Variants in SNAP29 observed in about 807,000 individuals in gnomAD.
SNAP29 encodes synaptosomal-associated protein 29.
In SNAP29, 13 loss-of-function variants were observed where a neutral mutation model predicts 27.9. The observed-to-expected ratio is 0.47, with a 90% confidence interval of 0.30 to 0.74. The LOEUF is 0.74. Ranked by LOEUF, SNAP29 falls within the 30% of genes least tolerant of loss-of-function variation. The probability of loss-of-function intolerance (pLI) is 0.06; values close to 1 mark genes in which losing one functional copy is unlikely to be tolerated. For synonymous variants in SNAP29, 119 were observed against 127.1 expected (o/e 0.94, Z 0.43); for missense variants, 368 against 336.5 (o/e 1.09, Z -0.73).
rs1929081780 is a variant in SNAP29, at chr22:20,888,614, C to G, written c.*778C>G. On this transcript the variant is annotated 3_prime_UTR_variant, in exon 5 of 5. Transcript: ENST00000215730. ...GTAACTCTCCATCTGTGATTTGCAA[C>G]AGGTCTTCCACTGGCTCGAGGCTGC... The G allele has an allele frequency of 6.5e-6, 1 of 153,150 alleles. No individual in the cohort carries two copies. Among genetic ancestry groups the G allele is most frequent in the Admixed American group, 6.5e-5 (1 of 15,396 alleles). 9.5% of individuals were successfully genotyped at this position (153,150 alleles called of 1,614,324 possible).
chr22:20,871,241 T>A (rs1354968532), intron 2 of SNAP29, among the ~76,000 whole-genome samples: 1 of 151,312 alleles, frequency 6.6e-6, no homozygotes, highest in African/African-American at 2.4e-5. Context: ...TAAAATCCCA[T>A]GCTTTCAGAG....
In SNAP29 at chr22:20,859,547, C is replaced by T. The variant is rs1928178342; in HGVS notation, c.237+200C>T. The T allele has an allele frequency of 5.0e-6, 3 of 597,406 alleles. No individual in the cohort carries two copies. The Admixed American group carries it at 9.3e-5, about 18-fold the overall frequency. 37.0% of individuals were successfully genotyped at this position (597,406 alleles called of 1,614,324 possible). On this transcript the variant is annotated intron_variant, in intron 1 of 4. Transcript: ENST00000215730. ...TGGAGTACTTGAAGAGGGCAGTTTA[C>T]CCCAGAAATCTTCCTTAGCTATTAG...
intron 2 of SNAP29, among the ~76,000 whole-genome samples, chr22:20,875,086 G>C (rs1928707906): frequency 6.6e-6 from 1 of 152,098 alleles, no homozygotes; most frequent in Non-Finnish European, 1.5e-5. Context: ...AAGTCCTGTG[G>C]CTCCAGGGGC....
intron 3 of SNAP29, 42 bp downstream of exon 3, chr22:20,881,176 G>A (rs1928883112): frequency 7.3e-7 from 1 of 1,377,192 alleles, no homozygotes; most frequent in South Asian, 1.2e-5. Flanking sequence ...TGAATTCTGG[G>A]GGGAGACCTC....
rs533341797 is a variant in SNAP29, at chr22:20,877,517, T to C, written c.435-3532T>C. On this transcript the variant is annotated intron_variant, in intron 2 of 4. Coordinates refer to ENST00000215730, the MANE Select transcript of SNAP29 (RefSeq NM_004782.4). ...GTTGCAGTAAGCCAAGATCGCACCATTGTACCCCAGCCTGGGCAACAAGAG... is the reference window on the plus strand; with the variant it reads ...GTTGCAGTAAGCCAAGATCGCACCACTGTACCCCAGCCTGGGCAACAAGAG... Among the ~76,000 whole-genome samples the C allele has an allele frequency of 1.5e-4, 23 of 151,892 alleles. No homozygotes were observed. The South Asian group carries it at 4.8e-3, about 32-fold the overall frequency.
In SNAP29 at chr22:20,887,565, G is replaced by GC. The variant is rs764783094; in HGVS notation, c.620-114_620-113insC. On this transcript the variant is annotated intron_variant, in intron 4 of 4. Transcript: ENST00000215730. ...AAGACTCATCTCTGCAGTGGGTGCA[G>GC]TCCCCCCAGGCAACACAGATCCCTG... 2,881 of 1,097,454 alleles carry GC rather than the reference G, an allele frequency of 2.6e-3. 8 individuals are homozygous for GC. The highest frequency in any genetic ancestry group is 3.5e-3 in the Non-Finnish European group (2,467 of 712,854). 68.0% of individuals were successfully genotyped at this position (1,097,454 alleles called of 1,614,324 possible).
intron 3 of SNAP29, 131 bp downstream of exon 3, chr22:20,881,265 C>G: frequency 1.4e-6 from 1 of 712,106 alleles, no homozygotes; most frequent in East Asian, 2.7e-5. Context: ...CTGGCATCAC[C>G]CATGCTAGCC....
chr22:20,861,043 T>G (rs2147858659), intron 1 of SNAP29, among the ~76,000 whole-genome samples: 1 of 152,068 alleles, frequency 6.6e-6, no homozygotes, highest in East Asian at 1.9e-4. Context: ...TCATTTCCCC[T>G]TGCTGTTTTC....
At chr22:20,865,304 G>A (rs1928431438) in intron 1 of SNAP29, among the ~76,000 whole-genome samples, 1 of 152,024 alleles carries the variant, frequency 6.6e-6, no homozygotes, top group African/African-American at 2.4e-5. Context: ...GCAGTGAGCT[G>A]AGGTCATGCC....
At position 20,865,987 on chromosome 22, in the gene SNAP29, C is replaced by CAT. The variant is rs532393527; in HGVS notation, c.238-4345_238-4344dup. Reference sequence around the variant, plus strand: ...ATAACGTGTAGCCCAAGGCCACCATCATATATCACATTGTTAGCATAGTCT... The same window carrying CAT: ...ATAACGTGTAGCCCAAGGCCACCATCATATATATCACATTGTTAGCATAGTCT... On this transcript the variant is annotated intron_variant, in intron 1 of 4. Coordinates refer to ENST00000215730, the MANE Select transcript of SNAP29 (RefSeq NM_004782.4). Among the ~76,000 whole-genome samples the CAT allele has an allele frequency of 3.1e-4, 47 of 152,322 alleles. 1 individual carries two copies. Among genetic ancestry groups the CAT allele is most frequent in the Non-Finnish European group, 4.7e-4 (32 of 68,022 alleles).
At chr22:20,868,734 A>T (rs777299140) in intron 1 of SNAP29, among the ~76,000 whole-genome samples, 6 of 152,186 alleles carry the variant, frequency 3.9e-5, no homozygotes, top group Non-Finnish European at 5.9e-5. Flanking sequence ...GAAGCTCGAG[A>T]GCCTTCTGGC....
rs1006598562 is a variant in SNAP29, at chr22:20,890,026, T to G, written c.*2190T>G. On this transcript the variant is annotated 3_prime_UTR_variant, in exon 5 of 5. Coordinates refer to ENST00000215730, the MANE Select transcript of SNAP29 (RefSeq NM_004782.4). ...GGAAATTTGTCTTCGTCTGACATATTAGAGGGCCTCGTTTTGTCCTGTTCT... is the reference window on the plus strand; with the variant it reads ...GGAAATTTGTCTTCGTCTGACATATGAGAGGGCCTCGTTTTGTCCTGTTCT... The G allele has an allele frequency of 2.7e-6, 1 of 376,418 alleles. No homozygotes were observed. The highest frequency in any genetic ancestry group is 4.7e-6 in the Non-Finnish European group (1 of 212,874). The allele number at this position is 376,418 out of a possible 1,614,324, so 23.3% of individuals were successfully genotyped here. A position where few individuals can be genotyped will look rare whatever the true frequency, so the allele number is the denominator to read the frequency against.
chr22:20,864,804 A>G (rs1928419223), intron 1 of SNAP29, among the ~76,000 whole-genome samples: 1 of 152,126 alleles, frequency 6.6e-6, no homozygotes, highest in African/African-American at 2.4e-5. Context: ...TGACCTGGGG[A>G]AGGAAAGGAA....
At chr22:20,871,904 T>C (rs988327309) in intron 2 of SNAP29, among the ~76,000 whole-genome samples, 1 of 151,734 alleles carries the variant, frequency 6.6e-6, no homozygotes, top group Non-Finnish European at 1.5e-5. Flanking sequence ...ATTCATGAGA[T>C]TTTGGTAGAC....
intron 3 of SNAP29, among the ~76,000 whole-genome samples, chr22:20,883,073 C>T (rs988073132): frequency 2.6e-5 from 4 of 151,308 alleles, no homozygotes; most frequent in African/African-American, 9.7e-5. Flanking sequence ...AACGAAATTA[C>T]CCATAATTCC....
intron 2 of SNAP29, among the ~76,000 whole-genome samples, chr22:20,871,894 A>G (rs1331642756): frequency 6.6e-6 from 1 of 151,970 alleles, no homozygotes; most frequent in Non-Finnish European, 1.5e-5. Context: ...AAAAAAAAAA[A>G]TTCATGAGAT....
chr22:20,870,448 G>T lies in SNAP29; in HGVS notation c.349G>T (p.Gly117Trp). Residue 117 changes from glycine (G) to tryptophan (W), a missense_variant, in exon 2 of 5, where the codon GGG becomes TGG. By Grantham distance (184) the Gly-to-Trp change is radical. Coordinates refer to ENST00000215730, the MANE Select transcript of SNAP29 (RefSeq NM_004782.4). Reference protein sequence around the residue: ...KHINSIKSVFGGLVNYFKSKP... With the variant: ...KHINSIKSVFWGLVNYFKSKP... ...CATCAATAGCATTAAGAGCGTGTTT[G>T]GGGGGCTGGTCAATTACTTCAAATC... The T allele has an allele frequency of 6.2e-7, 1 of 1,614,128 alleles. No homozygotes were observed. The highest frequency in any genetic ancestry group is 1.1e-5 in the South Asian group (1 of 91,086).
chr22:20,866,748 A>C (rs1044533512), intron 1 of SNAP29, among the ~76,000 whole-genome samples: 1 of 151,394 alleles, frequency 6.6e-6, no homozygotes, highest in African/African-American at 2.4e-5. Context: ...CCCCACCCCA[A>C]CTCTTCGTTG....
chr22:20,890,022 A>G lies in SNAP29; in HGVS notation c.*2186A>G. 3 of 371,966 alleles carry G rather than the reference A, an allele frequency of 8.1e-6. No individual in the cohort carries two copies. Among genetic ancestry groups the G allele is most frequent in the Non-Finnish European group, 1.4e-5 (3 of 210,168 alleles). The allele number at this position is 371,966 out of a possible 1,614,324, so 23.0% of individuals were successfully genotyped here. A position where few individuals can be genotyped will look rare whatever the true frequency, so the allele number is the denominator to read the frequency against. On this transcript the variant is annotated 3_prime_UTR_variant, in exon 5 of 5. Transcript: ENST00000215730. ...TTCTGGAAATTTGTCTTCGTCTGAC[A>G]TATTAGAGGGCCTCGTTTTGTCCTG... is the stretch of plus-strand genomic sequence containing the variant.
Sources: gnomAD v4.1 joint callset for allele counts (sites outside exome capture counted in the v4.1 genomes callset) on GRCh38, gnomAD v4.1.1 for gene constraint, MANE v1.5 for transcripts, NCBI Gene and HGNC (gene_info 2026-07-23, HGNC 2026-07-21) for gene names.